The following PPFIBP2 variants were observed in gnomAD, a reference collection of about 807,000 sequenced individuals.
The protein encoded by PPFIBP2 is PPFIB scaffold protein 2.
PPFIBP2 carries 118 observed loss-of-function variants against 118.3 expected under a neutral mutation model. That is an observed-to-expected ratio of 1.00 (90% CI 0.86 to 1.16). PPFIBP2 has a LOEUF of 1.16. Ranked by LOEUF, PPFIBP2 falls within the 50% of genes most tolerant of loss-of-function variation. The probability of loss-of-function intolerance (pLI) is 0.00; values close to 1 mark genes in which losing one functional copy is unlikely to be tolerated. For missense variants in PPFIBP2, 1,195 were observed against 1,073.1 expected (o/e 1.11, Z -1.59); for synonymous variants, 414 against 397.4 (o/e 1.04, Z -0.50).
chr11:7,664,058 A>T, the PPFIBP2 span, among the ~76,000 whole-genome samples: 2 of 152,134 alleles, frequency 1.3e-5, no homozygotes, highest in African/African-American at 2.4e-5. Flanking sequence ...GGCACTCCCT[A>T]GTGAGATGAA....
At position 7,653,105 on chromosome 11, in the gene PPFIBP2, G is replaced by GAGCC; in HGVS notation, c.2519_2522dup (p.Ser842AlafsTer3). On this transcript the variant is annotated frameshift_variant, in exon 24 of 24. Coordinates refer to ENST00000299492, the MANE Select transcript of PPFIBP2 (RefSeq NM_003621.5). LOFTEE classifies it high-confidence loss of function. ...ATCGACGGACTACATTTGCCCAATGGAGCCCAGTGACGGTGTCAGTGATAG... is the reference window on the plus strand; with the variant it reads ...ATCGACGGACTACATTTGCCCAATGGAGCCAGCCCAGTGACGGTGTCAGTGATAG... 6.2e-7 allele frequency: 1 copy of GAGCC among 1,614,178 alleles called. No homozygotes were observed. The highest frequency in any genetic ancestry group is 8.5e-7 in the Non-Finnish European group (1 of 1,180,010).
At chr11:7,625,725 C>A in intron 7 of PPFIBP2, 52 bp from the exon 8 acceptor site, 2 of 1,474,196 alleles carry the variant, frequency 1.4e-6, no homozygotes, top group Non-Finnish European at 1.9e-6. Flanking sequence ...GGCACTTCAT[C>A]ATGATTTGGC....
Position 7,564,756 on chromosome 11 carries a change from G to T in PPFIBP2, c.65-797G>T, listed in dbSNP as rs188697569. 2.6e-3 allele frequency among the ~76,000 whole-genome samples: 392 copies of T among 152,346 alleles called. 3 individuals carry two copies. Among genetic ancestry groups the T allele is most frequent in the Middle Eastern group, 0.01 (3 of 294 alleles). ...ACCACAGCTGGGAGGGCCAAGAAAG[G>T]TGGGGCTGTCTTTCTAGCCAGGTAA... On this transcript the variant is annotated intron_variant, in intron 2 of 23. Transcript: ENST00000299492.
chr11:7,663,497 C>G, the PPFIBP2 span, among the ~76,000 whole-genome samples: 51 of 152,316 alleles, frequency 3.3e-4, 1 homozygote, highest in East Asian at 9.5e-3. Context: ...AGGAGGCAGT[C>G]TGCCCGTTCT....
At chr11:7,545,450 CAA>C (rs1564957340) in intron 1 of PPFIBP2, among the ~76,000 whole-genome samples, 1 of 152,050 alleles carries the variant, frequency 6.6e-6, no homozygotes, top group Admixed American at 6.5e-5. Context: ...AAAAACAAAA[CAA>C]AACAAAAAAT....
chr11:7,553,393 A>T (rs1313776853), intron 2 of PPFIBP2, among the ~76,000 whole-genome samples: 2 of 152,212 alleles, frequency 1.3e-5, no homozygotes, highest in African/African-American at 4.8e-5. Flanking sequence ...GATAAAAAGA[A>T]TGATCATTCT....
intron 5 of PPFIBP2, among the ~76,000 whole-genome samples, chr11:7,600,274 G>A (rs762285363): frequency 5.9e-5 from 9 of 152,224 alleles, no homozygotes; most frequent in Admixed American, 1.3e-4. Context: ...TGGCACCAGA[G>A]CTTGAGATCT....
chr11:7,519,933 G>T (rs1368511847), intron 1 of PPFIBP2, among the ~76,000 whole-genome samples: 1 of 152,160 alleles, frequency 6.6e-6, no homozygotes. Flanking sequence ...ATCAGTGACT[G>T]ATCTGCATGC....
Position 7,641,578 on chromosome 11 carries a change from A to T in PPFIBP2, c.1475A>T (p.Asp492Val). 6.2e-7 allele frequency: 1 copy of T among 1,614,060 alleles called. No individual in the cohort carries two copies. The highest frequency in any genetic ancestry group is 1.3e-5 in the African/African-American group (1 of 75,066). ...ESGPQSPLTP[D>V]GKRNPKGIKK... ...GGTCCTCAGTCTCCTCTGACACCAG[A>T]TGGTAAACGGAATCCCAAAGGCATT... Residue 492 changes from aspartate to valine, a missense_variant, in exon 16 of 24, where the codon GAT becomes GTT. Asp to Val is a radical substitution (Grantham distance 152, BLOSUM62 -3). Coordinates refer to ENST00000299492, the MANE Select transcript of PPFIBP2 (RefSeq NM_003621.5).
At chr11:7,532,974 G>A (rs1184534658) in intron 1 of PPFIBP2, among the ~76,000 whole-genome samples, 1 of 151,786 alleles carries the variant, frequency 6.6e-6, no homozygotes, top group Admixed American at 6.5e-5. Context: ...GAGGGAGTTG[G>A]CTATAGGCAA....
intron 2 of PPFIBP2, among the ~76,000 whole-genome samples, chr11:7,553,161 G>A (rs1853186020): frequency 6.6e-6 from 1 of 152,014 alleles, no homozygotes; most frequent in South Asian, 2.1e-4. Flanking sequence ...GCTGCATACT[G>A]AACTTCATTT....
At chr11:7,662,311 C>T in the PPFIBP2 span, among the ~76,000 whole-genome samples, 1 of 152,170 alleles carries the variant, frequency 6.6e-6, no homozygotes, top group Non-Finnish European at 1.5e-5. Context: ...ATGTTTAGCA[C>T]TTCCTTCAGG....
intron 7 of PPFIBP2, among the ~76,000 whole-genome samples, chr11:7,621,504 T>G (rs1849351950): frequency 6.6e-6 from 1 of 151,142 alleles, no homozygotes; most frequent in Admixed American, 6.6e-5. Flanking sequence ...CAAATCATGT[T>G]TCTCTTAAAC....
chr11:7,522,545 C>T (rs551744773), intron 1 of PPFIBP2, among the ~76,000 whole-genome samples: 1 of 152,290 alleles, frequency 6.6e-6, no homozygotes, highest in African/African-American at 2.4e-5. Flanking sequence ...CTTCTATCTT[C>T]TGTAGCACAT....
chr11:7,657,952 C>A (rs1278780175), downstream of PPFIBP2, among the ~76,000 whole-genome samples: 1 of 152,246 alleles, frequency 6.6e-6, no homozygotes, highest in Non-Finnish European at 1.5e-5. Context: ...CTCCTAAGTT[C>A]CTCATCCACC....
intron 5 of PPFIBP2, among the ~76,000 whole-genome samples, chr11:7,602,673 G>C (rs986375378): frequency 6.6e-6 from 1 of 152,194 alleles, no homozygotes; most frequent in Non-Finnish European, 1.5e-5. Context: ...AGGACTGTGG[G>C]GAGCAAGTAA....
intron 6 of PPFIBP2, among the ~76,000 whole-genome samples, chr11:7,615,375 A>G (rs1848518800): frequency 6.6e-6 from 1 of 152,064 alleles, no homozygotes; most frequent in Admixed American, 6.5e-5. Flanking sequence ...CTAAGTTGAA[A>G]TGCCAAGCCT....
intron 2 of PPFIBP2, 150 bp from the exon 3 acceptor site, chr11:7,565,403 T>A: frequency 1.3e-6 from 1 of 766,300 alleles, no homozygotes; most frequent in Admixed American, 2.2e-5. Flanking sequence ...CCCAAGTAGC[T>A]GAGACTACAG....
intron 18 of PPFIBP2, 54 bp from the exon 19 acceptor site, chr11:7,648,746 A>G: frequency 2.6e-6 from 4 of 1,554,722 alleles, no homozygotes; most frequent in Admixed American, 1.7e-5. Context: ...GCTTTCTCTG[A>G]GGGCCAAATT....
Sources: allele counts gnomAD v4.1 joint callset (sites outside exome capture counted in the v4.1 genomes callset), GRCh38; gene constraint gnomAD v4.1.1; transcripts MANE v1.5; gene names NCBI Gene and HGNC (gene_info 2026-07-23, HGNC 2026-07-21).